Variants in ALDH1L1 observed in about 807,000 individuals in gnomAD.
The protein encoded by ALDH1L1 is cytosolic 10-formyltetrahydrofolate dehydrogenase.
In ALDH1L1, 68 loss-of-function variants were observed where a neutral mutation model predicts 101.1. That is an observed-to-expected ratio of 0.67 (90% confidence interval 0.55 to 0.82). The LOEUF (loss-of-function observed/expected upper bound fraction) is 0.82, where lower values mean the gene tolerates loss of function less well. ALDH1L1 is among the 40% of genes least tolerant of loss of function. The probability of loss-of-function intolerance (pLI) is 0.00; values close to 1 mark genes in which losing one functional copy is unlikely to be tolerated. For missense variants in ALDH1L1, 1,087 were observed against 1,172.7 expected (o/e 0.93, Z 1.07); for synonymous variants, 486 against 470.8 (o/e 1.03, Z -0.42).
At chr3:126,141,627 C>A (rs192905562) in intron 9 of ALDH1L1, among the ~76,000 whole-genome samples, 27 of 152,002 alleles carry the variant, frequency 1.8e-4, no homozygotes, top group Admixed American at 1.8e-3. Context: ...GAAGAACACA[C>A]GAGAAACTAG....
chr3:126,107,035 G>T, intron 21 of ALDH1L1, 106 bp downstream of exon 21: 3 of 1,047,204 alleles, frequency 2.9e-6, no homozygotes, highest in Non-Finnish European at 4.4e-6. Context: ...CCCTGCCTGA[G>T]TTCTCCTCCT....
rs1324421929 is a variant in ALDH1L1, at chr3:126,158,592, A to G, written c.175T>C (p.Trp59Arg). 1 of 1,613,994 alleles carries G rather than the reference A, an allele frequency of 6.2e-7. No individual in the cohort carries two copies. Among genetic ancestry groups the G allele is most frequent in the East Asian group, 2.2e-5 (1 of 44,864 alleles). The stretch of plus-strand genomic sequence containing the variant: ...GGCAAAGCCTGTCCTTTTGCACGCC[A>G]CCGGGAGTACTTGAATACCGGCACT... ...DGVPVFKYSR[W>R]RAKGQALPDV... The change falls in exon 3 of 23, where the codon TGG becomes CGG. Residue 59 changes from tryptophan (W) to arginine (R), a missense_variant. This residue lies in a region of ALDH1L1 where 645 missense variants were observed against 637.0 expected (regional missense o/e 1.01). Transcript: ENST00000393434.
intron 1 of ALDH1L1, among the ~76,000 whole-genome samples, chr3:126,194,294 C>T (rs1000181906): frequency 5.9e-5 from 9 of 152,128 alleles, no homozygotes; most frequent in African/African-American, 2.2e-4. Flanking sequence ...AACATTATTT[C>T]TTTGACAAGG....
At chr3:126,153,318 T>C (rs373751650) in intron 7 of ALDH1L1, 126 bp downstream of exon 7, 1 of 1,464,192 alleles carries the variant, frequency 6.8e-7, no homozygotes. Flanking sequence ...GGGTCAGTGT[T>C]CCTTCCTGGG....
chr3:126,107,217 C>T lies in ALDH1L1; in HGVS notation c.2377G>A (p.Asp793Asn). The T allele has an allele frequency of 6.2e-7, 1 of 1,614,156 alleles. No homozygotes were observed. Residue 793 changes from aspartate to asparagine, a missense_variant, in exon 21 of 23, where the codon GAC becomes AAC. Asp to Asn is a conservative substitution (Grantham distance 23, BLOSUM62 1). Coordinates refer to ENST00000393434, the MANE Select transcript of ALDH1L1 (RefSeq NM_012190.4). ...GCTATGAACATGTGGTCTTCCACGT[C>T]TGTGAAAACAGTTGGCTCAAAGAAG... The part of the protein sequence containing the change: ...GFFFEPTVFT[D>N]VEDHMFIAKE...
chr3:126,131,566 C>A, intron 12 of ALDH1L1, 32 bp from the exon 13 acceptor site: 1 of 1,589,782 alleles, frequency 6.3e-7, no homozygotes, highest in Non-Finnish European at 8.6e-7. Flanking sequence ...GGGAGGTGGG[C>A]TCAGGCCTGG....
At chr3:126,117,761 C>G (rs911434678) in intron 17 of ALDH1L1, among the ~76,000 whole-genome samples, 1 of 152,210 alleles carries the variant, frequency 6.6e-6, no homozygotes, top group African/African-American at 2.4e-5. Flanking sequence ...GTTTTATACT[C>G]TCAGCACCTC....
At chr3:126,181,038 C>G, upstream of ALDH1L1, 2 of 1,578,160 alleles carry the variant, frequency 1.3e-6, no homozygotes, top group Non-Finnish European at 1.7e-6. Context: ...GCAGAGGCGG[C>G]CCCTTAGCAG....
chr3:126,192,021 A>G (rs1405752075), intron 1 of ALDH1L1, among the ~76,000 whole-genome samples: 1 of 152,222 alleles, frequency 6.6e-6, no homozygotes, highest in Admixed American at 6.5e-5. Flanking sequence ...TAAAAAGCGA[A>G]CAAATACTGA....
intron 1 of ALDH1L1, among the ~76,000 whole-genome samples, chr3:126,174,356 A>C (rs898829515): frequency 2.6e-5 from 4 of 152,252 alleles, no homozygotes; most frequent in African/African-American, 7.2e-5. Flanking sequence ...TAGATCCAGC[A>C]GGCTGGAAAT....
At chr3:126,167,732 CAT>C (rs2081197180) in intron 1 of ALDH1L1, among the ~76,000 whole-genome samples, 1 of 152,140 alleles carries the variant, frequency 6.6e-6, no homozygotes, top group Non-Finnish European at 1.5e-5. Flanking sequence ...TAAGCATTCA[CAT>C]GTCGGTATCA....
intron 1 of ALDH1L1, among the ~76,000 whole-genome samples, chr3:126,174,913 T>C (rs1340394037): frequency 6.6e-6 from 1 of 152,046 alleles, no homozygotes; most frequent in Non-Finnish European, 1.5e-5. Flanking sequence ...ACTTGTGAAA[T>C]TGAAAACATG....
chr3:126,125,688 G>C lies in ALDH1L1; in HGVS notation c.1728C>G (p.Pro576=), dbSNP rs766927576. 1 of 1,594,930 alleles carries C rather than the reference G, an allele frequency of 6.3e-7. No individual in the cohort carries two copies. Among genetic ancestry groups the C allele is most frequent in the Non-Finnish European group, 8.6e-7 (1 of 1,169,580 alleles). Residue 576 remains proline, a synonymous_variant, in exon 15 of 23, where the codon CCC becomes CCG. Transcript: ENST00000393434. The part of the protein sequence containing the change: ...VCGIIIPWNY[P]LMMLSWKTAA... ...CTGTCTTCCAGGACAGCATCATCAG[G>C]GGATAGTTCCAGGGGATGATGATGC...
In ALDH1L1 at chr3:126,180,528, G is replaced by A; in HGVS notation, c.-76C>T. The A allele has an allele frequency of 9.8e-7, 1 of 1,019,988 alleles. No individual in the cohort carries two copies. Among genetic ancestry groups the A allele is most frequent in the South Asian group, 4.2e-5 (1 of 23,858 alleles). 63.2% of individuals were successfully genotyped at this position (1,019,988 alleles called of 1,614,324 possible). On this transcript the variant is annotated 5_prime_UTR_variant, in exon 1 of 23. Transcript: ENST00000393434. Reference sequence around the variant, plus strand: ...CGGGCAGGTTAGACTTCTGTGAGCCGCAGCCCCGAAACTGAGGTTGGTGCA... The same window carrying A: ...CGGGCAGGTTAGACTTCTGTGAGCCACAGCCCCGAAACTGAGGTTGGTGCA...
chr3:126,180,797 T>TA, upstream of ALDH1L1: 1 of 1,504,010 alleles, frequency 6.6e-7, no homozygotes, highest in Non-Finnish European at 8.8e-7. Flanking sequence ...CAAGAAGACT[T>TA]ACTGTGGACC....
At chr3:126,119,738 AG>A (rs1244507391) in intron 16 of ALDH1L1, among the ~76,000 whole-genome samples, 1 of 152,254 alleles carries the variant, frequency 6.6e-6, no homozygotes, top group Non-Finnish European at 1.5e-5. Flanking sequence ...TATCTGACAA[AG>A]AACAGGTGTC....
At chr3:126,106,045 C>G (rs189265455) in intron 21 of ALDH1L1, 120 bp from the exon 22 acceptor site, 180 of 1,059,400 alleles carry the variant, frequency 1.7e-4, no homozygotes, top group Middle Eastern at 2.6e-4. Context: ...GAAAATGTGC[C>G]GGGCTGCAGC....
intron 1 of ALDH1L1, chr3:126,197,661 AT>A (rs1250557844): frequency 6.6e-6 from 1 of 152,096 alleles, no homozygotes; most frequent in Non-Finnish European, 1.5e-5. Flanking sequence ...GAGCTCCGAA[AT>A]CCGAGAGAGA....
At chr3:126,189,933 C>T (rs761751264) in intron 1 of ALDH1L1, among the ~76,000 whole-genome samples, 13 of 152,186 alleles carry the variant, frequency 8.5e-5, no homozygotes, top group Non-Finnish European at 2.9e-5. Context: ...GCCATTTGTT[C>T]TTTCAACTTT....
Sources: allele counts gnomAD v4.1 joint callset (sites outside exome capture counted in the v4.1 genomes callset), GRCh38; gene constraint gnomAD v4.1.1; regional missense constraint gnomAD v4.1.1; transcripts MANE v1.5; gene names NCBI Gene and HGNC (gene_info 2026-07-23, HGNC 2026-07-21).